The following CMTM4 variants were observed in gnomAD, a reference collection of about 807,000 sequenced individuals.
CMTM4 encodes CKLF-like MARVEL transmembrane domain-containing protein 4.
A neutral mutation model predicts 19.0 loss-of-function variants in CMTM4; 8 were observed. The ratio of observed to expected loss-of-function variants is 0.42; its 90% CI spans 0.25 to 0.76. The LOEUF (loss-of-function observed/expected upper bound fraction) is 0.76. Among genes scored for constraint, CMTM4 ranks in the 30% least tolerant of loss-of-function variants. The probability of loss-of-function intolerance (pLI) is 0.27; values close to 1 mark genes in which losing one functional copy is unlikely to be tolerated. For missense variants in CMTM4, 228 were observed against 290.2 expected, an observed-to-expected ratio of 0.79 and a Z score of 1.56; for synonymous variants, 106 against 121.1, an observed-to-expected ratio of 0.88 and a Z score of 0.82.
intron 1 of CMTM4, among the ~76,000 whole-genome samples, chr16:66,690,255 AAT>A (rs2144925192): frequency 6.6e-6 from 1 of 152,318 alleles, no homozygotes; most frequent in African/African-American, 2.4e-5. Context: ...AGTACAAAGG[AAT>A]CTTCAGTAGT....
chr16:66,658,620 C>T (rs911349100), intron 1 of CMTM4, among the ~76,000 whole-genome samples: 7 of 152,116 alleles, frequency 4.6e-5, no homozygotes, highest in African/African-American at 1.7e-4. Context: ...TTCTCAAACT[C>T]AGCACTATTG....
chr16:66,659,390 T>C (rs567542455), intron 1 of CMTM4, among the ~76,000 whole-genome samples: 3 of 148,258 alleles, frequency 2.0e-5, no homozygotes, highest in East Asian at 3.9e-4. Flanking sequence ...AAAAAAAAAA[T>C]CACACTAGAG....
Position 66,636,444 on chromosome 16 carries a change from G to A in CMTM4, c.324C>T (p.Asn108=). Residue 108 remains asparagine (N), a synonymous_variant, in exon 2 of 4, where the codon AAC becomes AAT. Transcript: ENST00000394106. ...TGVLLIMFSL[N]LHMRIPQINW... is the part of the protein sequence containing the mutation. Reference sequence around the variant, plus strand: ...TGATCTGGGGGATCCTCATGTGCAGGTTGAGACTGAACATAATCAGCAAGA... The same window carrying A: ...TGATCTGGGGGATCCTCATGTGCAGATTGAGACTGAACATAATCAGCAAGA... 6.2e-7 allele frequency: 1 copy of A among 1,614,128 alleles called. No homozygotes were observed. Among genetic ancestry groups the A allele is most frequent in the African/African-American group, 1.3e-5 (1 of 75,022 alleles).
chr16:66,618,678 T>C lies in CMTM4; in HGVS notation c.*3380A>G. ...GTGTTGGAGCTTGGTCTCCTCAGGC[T>C]TAACCCAAGGCTGACTCACTAGGAC... On this transcript the variant is annotated 3_prime_UTR_variant, in exon 4 of 4. Coordinates refer to ENST00000394106, the MANE Select transcript of CMTM4 (RefSeq NM_181521.3). 1 of 985,508 alleles carries C rather than the reference T, an allele frequency of 1.0e-6. No individual in the cohort carries two copies. The allele number at this position is 985,508 out of a possible 1,614,324, so 61.0% of individuals were successfully genotyped here.
At chr16:66,637,803 G>A (rs779679789) in intron 1 of CMTM4, among the ~76,000 whole-genome samples, 1 of 152,174 alleles carries the variant, frequency 6.6e-6, no homozygotes, top group Non-Finnish European at 1.5e-5. Flanking sequence ...AGCCTATGCC[G>A]CTGCTTCCAG....
intron 1 of CMTM4, among the ~76,000 whole-genome samples, chr16:66,645,547 A>G (rs193073575): frequency 3.5e-4 from 54 of 152,236 alleles, no homozygotes; most frequent in Admixed American, 3.3e-3. Flanking sequence ...ACTGCATTCC[A>G]GCCTGGGCGA....
At chr16:66,612,611 G>A (rs1365437404), downstream of CMTM4, 14 of 1,613,930 alleles carry the variant, frequency 8.7e-6, no homozygotes, top group Non-Finnish European at 1.2e-5. This position sits in a 1 kb window ranked among gnomAD's most constrained non-coding sequence, Gnocchi z 6.0. Context: ...CCTTTCAGAA[G>A]AGAATTCCGA....
downstream of CMTM4, chr16:66,610,152 T>C: frequency 1.0e-6 from 1 of 970,940 alleles, no homozygotes; most frequent in Non-Finnish European, 1.5e-6. The surrounding 1 kb of genome is among the most constrained non-coding windows in gnomAD (Gnocchi z 4.6). Flanking sequence ...CCTACCCTCA[T>C]GCAGCACTGA....
chr16:66,645,046 G>C (rs138726250), intron 1 of CMTM4, among the ~76,000 whole-genome samples: 2 of 152,190 alleles, frequency 1.3e-5, no homozygotes, highest in Non-Finnish European at 2.9e-5. Flanking sequence ...CACTTTGGGA[G>C]GCCAAGGTAG....
At chr16:66,601,048 C>T in the CMTM4 span, among the ~76,000 whole-genome samples, 2 of 151,728 alleles carry the variant, frequency 1.3e-5, no homozygotes, top group Admixed American at 6.6e-5. Flanking sequence ...TCCTTCTATA[C>T]TAAGACCCTG....
chr16:66,605,220 C>A, the CMTM4 span: 1 of 339,348 alleles, frequency 2.9e-6, no homozygotes, highest in Non-Finnish European at 5.4e-6. The surrounding 1 kb of genome is among the most constrained non-coding windows in gnomAD (Gnocchi z 4.6). Flanking sequence ...GGGTGGGGCC[C>A]GGGGATGTGG....
intron 1 of CMTM4, among the ~76,000 whole-genome samples, chr16:66,668,397 T>G (rs1052615932): frequency 7.2e-5 from 11 of 152,308 alleles, no homozygotes; most frequent in African/African-American, 2.6e-4. Context: ...TTTTGTAGAG[T>G]TGCTATGACC....
rs2015521810 is a variant in CMTM4 at position 66,616,063 on chromosome 16, G to T, written c.*5995C>A. 6.6e-6 allele frequency: 1 copy of T among 152,020 alleles called. No homozygotes were observed. The highest frequency in any genetic ancestry group is 2.1e-4 in the South Asian group (1 of 4,822). 9.4% of individuals were successfully genotyped at this position (152,020 alleles called of 1,614,324 possible). On this transcript the variant is annotated 3_prime_UTR_variant, in exon 4 of 4. Transcript: ENST00000394106. ...TTTTCTTCTTTAAAATACATACGAA[G>T]TGTAAAGAGAAAATGGCCAAAACCT...
intron 1 of CMTM4, among the ~76,000 whole-genome samples, chr16:66,682,052 G>C (rs2016925426): frequency 6.6e-6 from 1 of 152,200 alleles, no homozygotes; most frequent in Admixed American, 6.5e-5. Context: ...CCAATGGTTT[G>C]TGTACTTTTG....
At chr16:66,678,393 C>T (rs1006087577) in intron 1 of CMTM4, among the ~76,000 whole-genome samples, 1 of 152,134 alleles carries the variant, frequency 6.6e-6, no homozygotes, top group Non-Finnish European at 1.5e-5. Context: ...AGCCCCCTCT[C>T]GCCACATAGT....
chr16:66,607,663 T>C, the CMTM4 span, among the ~76,000 whole-genome samples: 2 of 152,300 alleles, frequency 1.3e-5, no homozygotes, highest in South Asian at 2.1e-4. Flanking sequence ...TGGAAACTGG[T>C]TCCTGCCTCG....
At chr16:66,608,532 G>A in the CMTM4 span, 10 of 1,510,752 alleles carry the variant, frequency 6.6e-6, no homozygotes, top group South Asian at 4.6e-5. The surrounding 1 kb of genome is among the most constrained non-coding windows in gnomAD (Gnocchi z 5.1). Context: ...GTCCAGAGTC[G>A]TGCACTTGGG....
At chr16:66,656,521 A>G (rs2016400188) in intron 1 of CMTM4, among the ~76,000 whole-genome samples, 1 of 151,758 alleles carries the variant, frequency 6.6e-6, no homozygotes, top group Non-Finnish European at 1.5e-5. Flanking sequence ...GCCCCACAGA[A>G]CCCAGCTAAT....
In CMTM4 at chr16:66,696,290, G is replaced by C. The variant is rs1265344934; in HGVS notation, c.186+50C>G. 31 of 1,227,998 alleles carry C rather than the reference G, an allele frequency of 2.5e-5. No individual in the cohort carries two copies. The East Asian group carries it at 1.0e-3, about 41-fold the overall frequency. 76.1% of individuals were successfully genotyped at this position (1,227,998 alleles called of 1,614,324 possible). On this transcript the variant is annotated intron_variant, in intron 1 of 3. Transcript: ENST00000394106. This position sits in a 1 kb window ranked among gnomAD's most constrained non-coding sequence, Gnocchi z 4.3. Reference sequence around the variant, plus strand: ...GCCCCGCAGCGGGGCGGGGAGGGAGGCGTGCGGCTAGGCCGCCCTCGGGCA... The same window carrying C: ...GCCCCGCAGCGGGGCGGGGAGGGAGCCGTGCGGCTAGGCCGCCCTCGGGCA...
Sources: allele counts gnomAD v4.1 joint callset (sites outside exome capture counted in the v4.1 genomes callset), GRCh38; gene constraint gnomAD v4.1.1; non-coding constraint Gnocchi (gnomAD v3.1); transcripts MANE v1.5; gene names NCBI Gene and HGNC (gene_info 2026-07-23, HGNC 2026-07-21).